Variants in LAT2 observed in about 807,000 individuals in gnomAD.
LAT2 encodes linker for activation of T cells family member 2, also known as linker for activation of T-cells family member 2.
In LAT2, 23 loss-of-function variants were observed where a neutral mutation model predicts 43.4. The observed-to-expected ratio is 0.53, with a 90% CI of 0.38 to 0.75. LAT2 has a LOEUF of 0.75. Among genes scored for constraint, LAT2 ranks in the 30% least tolerant of loss-of-function variants. The pLI, the probability that LAT2 is intolerant of heterozygous loss-of-function variation, is 0.00. For synonymous variants in LAT2, 128 were observed against 123.2 expected, an observed-to-expected ratio of 1.04 and a Z score of -0.26; for missense variants, 284 against 310.2, an observed-to-expected ratio of 0.92 and a Z score of 0.64.
At position 74,224,690 on chromosome 7, in the gene LAT2, A is replaced by G. The variant is rs782537912; in HGVS notation, c.680A>G (p.Glu227Gly). The change falls in exon 13 of 14, where the codon GAG becomes GGG. Residue 227 changes from glutamate to glycine, a missense_variant. Transcript: ENST00000460943. ...SPGPVGSPDE[E>G]DGEPDYVNGE... ...GGCCCGGTGGGAAGCCCAGACGAGG[A>G]GGACGGGGAACCGGATTACGTGAAT... is the stretch of plus-strand genomic sequence containing the variant. 1 of 1,608,786 alleles carries G rather than the reference A, an allele frequency of 6.2e-7. No homozygotes were observed. Among genetic ancestry groups the G allele is most frequent in the Non-Finnish European group, 8.5e-7 (1 of 1,177,926 alleles).
At chr7:74,214,353 TATATATAA>T (rs1251612655) in intron 1 of LAT2, among the ~76,000 whole-genome samples, 20 of 66,416 alleles carry the variant, frequency 3.0e-4, no homozygotes, top group South Asian at 6.7e-4. Context: ...TATGAAAATA[TATATATAA>T]ATATATATAT....
intron 2 of LAT2, chr7:74,215,340 G>C (rs1190930491): frequency 6.5e-6 from 1 of 153,648 alleles, no homozygotes; most frequent in Non-Finnish European, 1.5e-5. Context: ...CCATTCCCAG[G>C]TCCTGGGGGG....
Position 74,229,686 on chromosome 7 carries a change from G to A in LAT2, c.*761G>A, listed in dbSNP as rs1802620634. ...GGCCCTGAATCCTCCTCTGCTCCAG[G>A]GCTGGCCTCTGCAGAGCTGATTAAA... is the stretch of plus-strand genomic sequence containing the variant. On this transcript the variant is annotated 3_prime_UTR_variant, in exon 14 of 14. Transcript: ENST00000460943. 6.6e-6 allele frequency: 1 copy of A among 152,376 alleles called. No homozygotes were observed. The highest frequency in any genetic ancestry group is 1.5e-5 in the Non-Finnish European group (1 of 68,106). 9.4% of individuals were successfully genotyped at this position (152,376 alleles called of 1,614,324 possible).
At chr7:74,228,131 G>A (rs528951213) in intron 13 of LAT2, among the ~76,000 whole-genome samples, 23 of 116,942 alleles carry the variant, frequency 2.0e-4, no homozygotes, top group African/African-American at 6.9e-4. Context: ...AGCTAAGATC[G>A]CACCATTGCA....
chr7:74,216,054 C>G lies in LAT2; in HGVS notation c.79C>G (p.Arg27Gly), dbSNP rs200742563. ...LLGVAASLCV[R>G]CSRPGAKRSE... ...GGGGGTGGCAGCCAGTCTGTGTGTG[C>G]GCTGCTCACGCCCAGGTAAGCGGGG... is the stretch of plus-strand genomic sequence containing the variant. Residue 27 changes from arginine to glycine, a missense_variant, in exon 3 of 14, where the codon CGC becomes GGC. By Grantham distance (125) the Arg-to-Gly change is moderately radical. Coordinates refer to ENST00000460943, the MANE Select transcript of LAT2 (RefSeq NM_032464.3). 1 of 1,611,768 alleles carries G rather than the reference C, an allele frequency of 6.2e-7. No individual in the cohort carries two copies. Among genetic ancestry groups the G allele is most frequent in the Non-Finnish European group, 8.5e-7 (1 of 1,179,226 alleles).
intron 4 of LAT2, among the ~76,000 whole-genome samples, chr7:74,218,632 T>C (rs1351896289): frequency 1.3e-5 from 2 of 152,194 alleles, no homozygotes; most frequent in Non-Finnish European, 2.9e-5. Context: ...TTGAATCTCA[T>C]AGACCAGAGC....
intron 11 of LAT2, 24 bp from the exon 12 acceptor site, chr7:74,223,994 G>T: frequency 6.2e-7 from 1 of 1,609,700 alleles, no homozygotes. Flanking sequence ...TGAGCCAAGG[G>T]GGGCCTATTC....
chr7:74,219,758 A>G lies in LAT2; in HGVS notation c.149A>G (p.Gln50Arg). 6.2e-7 allele frequency: 1 copy of G among 1,614,122 alleles called. No individual in the cohort carries two copies. The highest frequency in any genetic ancestry group is 2.2e-5 in the East Asian group (1 of 44,880). Reference sequence around the variant, plus strand: ...TGCATTTCCAGGCGTGAGGACCAACAGAGCTTTACGGGGTCCCGGACCTAC... The same window carrying G: ...TGCATTTCCAGGCGTGAGGACCAACGGAGCTTTACGGGGTCCCGGACCTAC... ...YQQRSLREDQ[Q>R]SFTGSRTYSL... Residue 50 changes from glutamine (Q) to arginine (R), a missense_variant, in exon 5 of 14, where the codon CAG becomes CGG. By Grantham distance (43) the Gln-to-Arg change is conservative. Transcript: ENST00000460943.
rs1802206297 is a variant in LAT2, at chr7:74,220,049, C to G, written c.227+41C>G. On this transcript the variant is annotated intron_variant, in intron 6 of 13. Coordinates refer to ENST00000460943, the MANE Select transcript of LAT2 (RefSeq NM_032464.3). This position sits in a 1 kb window ranked among gnomAD's most constrained non-coding sequence, Gnocchi z 4.5. ...CCAGGAAGTGACAAGAATGAAAGTC[C>G]TGGAGGTCCTCACCTGGTGAGCCCA... is the stretch of plus-strand genomic sequence containing the variant. The G allele has an allele frequency of 3.7e-6, 6 of 1,608,016 alleles. No individual in the cohort carries two copies. Among genetic ancestry groups the G allele is most frequent in the Non-Finnish European group, 5.1e-6 (6 of 1,176,500 alleles).
At chr7:74,223,013 C>A (rs540561978) in intron 10 of LAT2, among the ~76,000 whole-genome samples, 27 of 152,346 alleles carry the variant, frequency 1.8e-4, no homozygotes, top group African/African-American at 6.5e-4. Context: ...GGTCCCCGAG[C>A]AAAGCATCCT....
Position 74,217,468 on chromosome 7 carries a change from C to T in LAT2, c.134+604C>T, listed in dbSNP as rs542747188. Among the ~76,000 whole-genome samples, 130 of 152,152 alleles carry T rather than the reference C, an allele frequency of 8.5e-4. 1 individual carries two copies. Among genetic ancestry groups the T allele is most frequent in the African/African-American group, 2.4e-3 (99 of 41,526 alleles). On this transcript the variant is annotated intron_variant, in intron 4 of 13. Coordinates refer to ENST00000460943, the MANE Select transcript of LAT2 (RefSeq NM_032464.3). ...AAGAAAAGAAAAAAAAAATAGAGGT[C>T]CACCAGGCACCTGTGTCCTCAGCCT...
chr7:74,222,720 C>A (rs1802335809), intron 10 of LAT2, among the ~76,000 whole-genome samples: 1 of 152,036 alleles, frequency 6.6e-6, no homozygotes. Context: ...ATTACAGGCG[C>A]CTGCCACCAC....
intron 9 of LAT2, 72 bp from the exon 10 acceptor site, chr7:74,221,564 GC>G: frequency 1.6e-6 from 2 of 1,218,318 alleles, no homozygotes; most frequent in Non-Finnish European, 1.2e-6. Flanking sequence ...TGGCCTCACC[GC>G]CCCCTTATGG....
At chr7:74,223,808 G>C (rs1802382401) in intron 11 of LAT2, 25 bp downstream of exon 11, 1 of 1,609,440 alleles carries the variant, frequency 6.2e-7, no homozygotes, top group Non-Finnish European at 8.5e-7. Flanking sequence ...CCAGAGGCAG[G>C]CTGGGGCTGG....
At chr7:74,223,954 C>T in intron 11 of LAT2, 64 bp from the exon 12 acceptor site, 3 of 1,549,532 alleles carry the variant, frequency 1.9e-6, no homozygotes, top group Non-Finnish European at 1.8e-6. Context: ...TCGGAGGCAG[C>T]TCTATTGGCT....
Position 74,220,429 on chromosome 7 carries a change from A to T in LAT2, c.266-155A>T. 1 of 1,194,886 alleles carries T rather than the reference A, an allele frequency of 8.4e-7. No individual in the cohort carries two copies. The highest frequency in any genetic ancestry group is 1.2e-6 in the Non-Finnish European group (1 of 827,592). The allele number at this position is 1,194,886 out of a possible 1,614,324, so 74.0% of individuals were successfully genotyped here. A position where few individuals can be genotyped will look rare whatever the true frequency, so the allele number is the denominator to read the frequency against. On this transcript the variant is annotated intron_variant, in intron 7 of 13. Coordinates refer to ENST00000460943, the MANE Select transcript of LAT2 (RefSeq NM_032464.3). The surrounding 1 kb of genome is among the most constrained non-coding windows in gnomAD (Gnocchi z 4.5). The stretch of plus-strand genomic sequence containing the variant: ...CTCCTGGAATCGGCCTGGCAGGGGG[A>T]GGGTGCACACTCGCACATGCCCCAC...
intron 1 of LAT2, among the ~76,000 whole-genome samples, chr7:74,212,413 C>G (rs1269637607): frequency 5.9e-5 from 9 of 151,962 alleles, no homozygotes; most frequent in African/African-American, 1.2e-4. Context: ...TCCCAAGTAG[C>G]TGGAATTACA....
intron 10 of LAT2, 73 bp from the exon 11 acceptor site, chr7:74,223,651 A>G: frequency 7.1e-7 from 1 of 1,411,036 alleles, no homozygotes; most frequent in African/African-American, 1.4e-5. Context: ...GGAAGGCAGG[A>G]CAGAGCGGGA....
chr7:74,223,402 A>G (rs1214925263), intron 10 of LAT2, among the ~76,000 whole-genome samples: 3 of 152,178 alleles, frequency 2.0e-5, no homozygotes, highest in Non-Finnish European at 4.4e-5. Context: ...CGGGGTAGGA[A>G]GATCGTTTGA....
Sources: gnomAD v4.1 joint callset for allele counts (sites outside exome capture counted in the v4.1 genomes callset) on GRCh38, gnomAD v4.1.1 for gene constraint, Gnocchi (gnomAD v3.1) non-coding constraint, MANE v1.5 for transcripts, NCBI Gene and HGNC (gene_info 2026-07-23, HGNC 2026-07-21) for gene names.